SCMH1: variants seen among roughly 807,000 people sequenced by gnomAD.
The protein encoded by SCMH1 is Scm polycomb group protein homolog 1.
A neutral mutation model predicts 70.8 loss-of-function variants in SCMH1; 37 were observed. The observed-to-expected ratio is 0.52, with a 90% CI of 0.40 to 0.69. The LOEUF is 0.69. Ranked by LOEUF, SCMH1 falls within the 30% of genes least tolerant of loss-of-function variation. The pLI, the probability that SCMH1 is intolerant of heterozygous loss-of-function variation, is 0.00. For synonymous variants in SCMH1, 292 were observed against 307.4 expected (o/e 0.95, Z 0.52); for missense variants, 607 against 827.3 (o/e 0.73, Z 3.27).
rs547476239 is a variant in SCMH1, at chr1:41,081,706, G to C, written c.746-6255C>G. On this transcript the variant is annotated intron_variant, in intron 8 of 14. Coordinates refer to ENST00000337495, the Ensembl canonical transcript of SCMH1. ...ATGGTGGTGCACACCTGTAGTCCCA[G>C]TGACTCTGGAGGCTGAGGTGGGAGG... is the stretch of plus-strand genomic sequence containing the variant. Among the ~76,000 whole-genome samples the C allele has an allele frequency of 2.6e-5, 4 of 152,176 alleles. No individual in the cohort carries two copies. The South Asian group carries it at 8.3e-4, about 32-fold the overall frequency.
chr1:41,174,261 A>ATTT (rs140469563), intron 2 of SCMH1, among the ~76,000 whole-genome samples: 4 of 141,824 alleles, frequency 2.8e-5, no homozygotes, highest in Non-Finnish European at 3.1e-5. Context: ...AAAGTCTCCA[A>ATTT]TTTTTTTTTT....
chr1:41,142,130 ATTTTT>A (rs896132880), intron 6 of SCMH1, among the ~76,000 whole-genome samples: 1 of 151,966 alleles, frequency 6.6e-6, no homozygotes, highest in African/African-American at 2.4e-5. Flanking sequence ...TACATTACAA[ATTTTT>A]TTTTAATGGG....
chr1:41,185,318 TG>T (rs922404160), intron 2 of SCMH1, among the ~76,000 whole-genome samples: 18 of 152,188 alleles, frequency 1.2e-4, no homozygotes, highest in Admixed American at 6.5e-5. Context: ...CCCTAGTAGC[TG>T]GAACTACAGG....
chr1:41,177,766 G>A (rs1387187160), intron 2 of SCMH1, among the ~76,000 whole-genome samples: 2 of 152,194 alleles, frequency 1.3e-5, no homozygotes, highest in Non-Finnish European at 2.9e-5. Flanking sequence ...CGTCTGATTG[G>A]TGTACCTAAA....
intron 10 of SCMH1, 40 bp downstream of exon 10, chr1:41,070,555 C>A (rs769250662): frequency 6.2e-7 from 1 of 1,612,722 alleles, no homozygotes; most frequent in Admixed American, 1.7e-5. Flanking sequence ...AACACTAGGT[C>A]TGGGGCTTGT....
At chr1:41,041,261 C>T (rs1167306520) in intron 12 of SCMH1, 1 of 152,144 alleles carries the variant, frequency 6.6e-6, no homozygotes, top group Non-Finnish European at 1.5e-5. Context: ...TGAACCACTT[C>T]CCACATCGTT....
chr1:41,156,989 C>T (rs910302878), intron 4 of SCMH1, among the ~76,000 whole-genome samples: 2 of 143,050 alleles, frequency 1.4e-5, no homozygotes, highest in Non-Finnish European at 1.5e-5. Context: ...CAAAGCCTCA[C>T]TCAGATACCC....
intron 13 of SCMH1, among the ~76,000 whole-genome samples, chr1:41,032,076 A>C (rs1348107156): frequency 6.6e-6 from 1 of 152,190 alleles, no homozygotes; most frequent in Non-Finnish European, 1.5e-5. Flanking sequence ...TCTATGAACC[A>C]GGAAGTGGGT....
At chr1:41,183,698 T>C (rs1649423579) in intron 2 of SCMH1, among the ~76,000 whole-genome samples, 1 of 152,032 alleles carries the variant, frequency 6.6e-6, no homozygotes, top group East Asian at 1.9e-4. Flanking sequence ...AGTTATGCAA[T>C]GAGAGAAAAA....
Position 41,223,643 on chromosome 1 carries a change from G to A in SCMH1, c.-118+18416C>T, listed in dbSNP as rs1419443194. On this transcript the variant is annotated intron_variant, in intron 1 of 14. Transcript: ENST00000337495. The stretch of plus-strand genomic sequence containing the variant: ...ATTTGGAAAAGGCCTAGGTTTAATC[G>A]TTGCTCAGTAAGTACTGATTGTATA... Among the ~76,000 whole-genome samples the A allele has an allele frequency of 7.9e-5, 12 of 151,886 alleles. No individual in the cohort carries two copies. In the South Asian group the frequency reaches 2.3e-3, roughly 29 times the overall value.
intron 8 of SCMH1, among the ~76,000 whole-genome samples, chr1:41,082,909 T>C (rs911415484): frequency 1.6e-4 from 24 of 152,294 alleles, no homozygotes; most frequent in African/African-American, 4.3e-4. Context: ...AAAAGGCCTT[T>C]GACAAAATTC....
chr1:41,153,405 GT>G (rs1645244041), intron 4 of SCMH1, among the ~76,000 whole-genome samples: 1 of 152,202 alleles, frequency 6.6e-6, no homozygotes, highest in Non-Finnish European at 1.5e-5. Context: ...CAGATCAAGA[GT>G]TTTGGTCAGT....
chr1:41,165,443 G>A (rs143420238), intron 2 of SCMH1, among the ~76,000 whole-genome samples: 1 of 152,070 alleles, frequency 6.6e-6, no homozygotes, highest in African/African-American at 2.4e-5. Flanking sequence ...TCTATTTTCA[G>A]TATTTTGAGG....
chr1:41,139,625 C>T (rs571578931), intron 6 of SCMH1, among the ~76,000 whole-genome samples: 2 of 152,224 alleles, frequency 1.3e-5, no homozygotes, highest in South Asian at 4.2e-4. Context: ...GAATGAAGAG[C>T]ATCTCCATGT....
intron 7 of SCMH1, among the ~76,000 whole-genome samples, chr1:41,115,712 C>G (rs1318741161): frequency 6.6e-6 from 1 of 152,168 alleles, no homozygotes; most frequent in Non-Finnish European, 1.5e-5. Flanking sequence ...GTATCAAAGT[C>G]TTGCGTGATT....
chr1:41,083,464 T>G (rs919798804), intron 8 of SCMH1, among the ~76,000 whole-genome samples: 8 of 152,062 alleles, frequency 5.3e-5, no homozygotes, highest in Non-Finnish European at 8.8e-5. Context: ...CACTGCTCAA[T>G]GAAATAAAAG....
At chr1:41,106,980 G>A (rs1294145138) in intron 8 of SCMH1, among the ~76,000 whole-genome samples, 14 of 151,260 alleles carry the variant, frequency 9.3e-5, no homozygotes, top group South Asian at 2.1e-4. Flanking sequence ...GAGCCACCAC[G>A]CCCGGCCTTA....
chr1:41,135,511 AG>A (rs1643147531), intron 6 of SCMH1, among the ~76,000 whole-genome samples: 1 of 152,150 alleles, frequency 6.6e-6, no homozygotes, highest in South Asian at 2.1e-4. Flanking sequence ...CCTGTGAAGA[AG>A]GATGTGTTTG....
chr1:41,119,542 A>T (rs1034979157), intron 6 of SCMH1, among the ~76,000 whole-genome samples: 1 of 152,126 alleles, frequency 6.6e-6, no homozygotes, highest in African/African-American at 2.4e-5. Flanking sequence ...GGGGTAAAAC[A>T]CAATGCTGTT....
Sources: allele counts gnomAD v4.1 joint callset (sites outside exome capture counted in the v4.1 genomes callset), GRCh38; gene constraint gnomAD v4.1.1; transcripts MANE v1.5; gene names NCBI Gene and HGNC (gene_info 2026-07-23, HGNC 2026-07-21).